Variants in NEB observed in about 807,000 individuals in gnomAD.
NEB encodes the protein nebulin, also known as nemaline myopathy type 2.
Under a neutral mutation model 952.2 loss-of-function variants are expected in NEB, and 512 were observed. That is an observed-to-expected ratio of 0.54 (90% confidence interval 0.50 to 0.58). NEB has a LOEUF of 0.58. Ranked by LOEUF, NEB falls within the 20% of genes least tolerant of loss-of-function variation. The pLI is 0.00. For synonymous variants in NEB, 2,900 were observed against 3,149.8 expected (o/e 0.92, Z 2.66); for missense variants, 8,428 against 9,231.1 (o/e 0.91, Z 3.56).
intron 156 of NEB, among the ~76,000 whole-genome samples, chr2:151,516,802 C>G (rs1341485924): frequency 2.0e-5 from 3 of 152,036 alleles, no homozygotes; most frequent in Non-Finnish European, 2.9e-5. Flanking sequence ...TTCAAGGACA[C>G]AAAAGAATCA....
Position 151,516,444 on chromosome 2 carries a change from G to T in NEB, c.22905+15C>A. The T allele has an allele frequency of 1.3e-6, 2 of 1,567,454 alleles. No homozygotes were observed. The highest frequency in any genetic ancestry group is 1.8e-6 in the Non-Finnish European group (2 of 1,139,186). ...TGATGGATCATTGTTGTGTGGTGTGGTTTTTTTGACTTACCCCACTCTGCA... is the reference window on the plus strand; with the variant it reads ...TGATGGATCATTGTTGTGTGGTGTGTTTTTTTTGACTTACCCCACTCTGCA... On this transcript the variant is annotated intron_variant, in intron 157 of 181. Coordinates refer to ENST00000397345, the MANE Select transcript of NEB (RefSeq NM_001164508.2).
intron 157 of NEB, 72 bp downstream of exon 157, chr2:151,516,387 C>A: frequency 9.8e-7 from 1 of 1,019,658 alleles, no homozygotes; most frequent in Non-Finnish European, 1.5e-6. Context: ...GGAAACTGGC[C>A]ATGTCATGGG....
At position 151,643,216 on chromosome 2, in the gene NEB, C is replaced by T. The variant is rs1021256305; in HGVS notation, c.8094G>A (p.Lys2698=). Residue 2698 remains lysine, a synonymous_variant, in exon 58 of 182, where the codon AAG becomes AAA. Transcript: ENST00000397345. ...HVYRQHPDQF[K]FSSLMDSIPM... The stretch of plus-strand genomic sequence containing the variant: ...GTATGGAATCCATAAGGCTGGAAAA[C>T]TTAAATTGATCTGGGTGCTGACGGT... 1 of 1,613,754 alleles carries T rather than the reference C, an allele frequency of 6.2e-7. No homozygotes were observed. The highest frequency in any genetic ancestry group is 1.3e-5 in the African/African-American group (1 of 74,912).
At chr2:151,656,651 T>C (rs1022133675) in intron 48 of NEB, among the ~76,000 whole-genome samples, 187 bp from the exon 49 acceptor site, 3 of 152,090 alleles carry the variant, frequency 2.0e-5, no homozygotes, top group African/African-American at 4.8e-5. Context: ...CTCTCCCTTG[T>C]GAGGTAGATA....
At chr2:151,576,693 G>A (rs1456140082) in intron 105 of NEB, among the ~76,000 whole-genome samples, 5 of 150,956 alleles carry the variant, frequency 3.3e-5, no homozygotes, top group Admixed American at 1.3e-4. Context: ...CATGATGCCT[G>A]TCTAATTTTT....
chr2:151,721,559 T>C (rs1163246423), intron 9 of NEB, among the ~76,000 whole-genome samples: 1 of 152,250 alleles, frequency 6.6e-6, no homozygotes, highest in Non-Finnish European at 1.5e-5. Flanking sequence ...GTCTGTCTTG[T>C]AGCAAGTATT....
At chr2:151,555,956 A>G (rs2095625717) in intron 124 of NEB, among the ~76,000 whole-genome samples, 1 of 151,844 alleles carries the variant, frequency 6.6e-6, no homozygotes, top group Admixed American at 6.6e-5. Flanking sequence ...TAATTTCTCT[A>G]TGTTTTACCT....
In NEB at chr2:151,678,070, C is replaced by G. The variant is rs757784515; in HGVS notation, c.3373G>C (p.Glu1125Gln). Residue 1125 changes from glutamate (E) to glutamine (Q), a missense_variant, in exon 33 of 182, where the codon GAG becomes CAG. Physicochemically the swap from Glu to Gln is conservative, Grantham distance 29. Around this residue, in one of 11 missense-constraint regions of NEB, gnomAD observed 2,851 missense variants for 2,791.5 expected, o/e 1.02. Coordinates refer to ENST00000397345, the MANE Select transcript of NEB (RefSeq NM_001164508.2). ...MNVAKIQSDREYKKDYEKTKS... is the reference protein window; with the variant it reads ...MNVAKIQSDRQYKKDYEKTKS... ...GTCTTCTCATAGTCTTTTTTATACTCCCGATCTGATTGTATCTTGGCCACG... is the reference window on the plus strand; with the variant it reads ...GTCTTCTCATAGTCTTTTTTATACTGCCGATCTGATTGTATCTTGGCCACG... 3 of 1,613,756 alleles carry G rather than the reference C, an allele frequency of 1.9e-6. No individual in the cohort carries two copies. The highest frequency in any genetic ancestry group is 2.5e-6 in the Non-Finnish European group (3 of 1,179,842).
chr2:151,669,971 T>C (rs987889851), intron 38 of NEB, among the ~76,000 whole-genome samples: 3 of 152,164 alleles, frequency 2.0e-5, no homozygotes, highest in African/African-American at 7.2e-5. Context: ...AGGTACTGCA[T>C]GTGGGAGTTC....
chr2:151,670,435 G>A (rs2099271564), intron 38 of NEB, among the ~76,000 whole-genome samples: 1 of 105,250 alleles, frequency 9.5e-6, no homozygotes, highest in Non-Finnish European at 1.8e-5. Context: ...CCATACAGAC[G>A]TGTCTCAGAA....
rs746180925 is a variant in NEB, at chr2:151,497,664, T to C, written c.24262A>G (p.Met8088Val). 19 of 1,585,562 alleles carry C rather than the reference T, an allele frequency of 1.2e-5. No individual in the cohort carries two copies. Among genetic ancestry groups the C allele is most frequent in the Non-Finnish European group, 1.6e-5 (19 of 1,163,596 alleles). Residue 8088 changes from methionine (M) to valine (V), a missense_variant, in exon 171 of 182, where the codon ATG becomes GTG. Around this residue, in one of 11 missense-constraint regions of NEB, gnomAD observed 3,374 missense variants for 3,651.5 expected, o/e 0.92. Coordinates refer to ENST00000397345, the MANE Select transcript of NEB (RefSeq NM_001164508.2). ...KGTPLPVTPEMERVKHNQENI... is the reference protein window; with the variant it reads ...KGTPLPVTPEVERVKHNQENI... ...TCTTGATTGTGTTTGACTCTTTCCA[T>C]CTCGGGAGTGACAGGTAAAGGGGTT...
intron 161 of NEB, among the ~76,000 whole-genome samples, chr2:151,509,900 G>T (rs566476860): frequency 1.3e-5 from 2 of 152,154 alleles, no homozygotes; most frequent in African/African-American, 2.4e-5. Flanking sequence ...GAGCCACTGC[G>T]CCCGACCAAG....
chr2:151,655,499 A>G (rs1162800321), intron 50 of NEB, 125 bp from the exon 51 acceptor site: 2 of 533,710 alleles, frequency 3.7e-6, no homozygotes, highest in Admixed American at 3.6e-5. Flanking sequence ...ACTAAGTAGC[A>G]TATAATTCAG....
Position 151,694,696 on chromosome 2 carries a change from G to A in NEB, c.1675-67C>T, listed in dbSNP as rs10193188. 0.22 allele frequency: 266,122 copies of A among 1,206,620 alleles called. 39,117 individuals carry two copies. Among genetic ancestry groups the A allele is most frequent in the East Asian group, 0.62 (24,190 of 39,222 alleles). 74.7% of individuals were successfully genotyped at this position (1,206,620 alleles called of 1,614,324 possible). ...TGCATGTCACGACCTTTAAAGACTA[G>A]TGGGTAACTAAATACCTTATCTTAA... On this transcript the variant is annotated intron_variant, in intron 18 of 181. Coordinates refer to ENST00000397345, the MANE Select transcript of NEB (RefSeq NM_001164508.2).
intron 17 of NEB, among the ~76,000 whole-genome samples, 179 bp from the exon 18 acceptor site, chr2:151,695,861 C>T (rs955046954): frequency 6.6e-6 from 1 of 152,204 alleles, no homozygotes; most frequent in Non-Finnish European, 1.5e-5. Flanking sequence ...GCTATTATCA[C>T]ATCTGTCACC....
intron 77 of NEB, 138 bp downstream of exon 77, chr2:151,614,138 A>G (rs1243753137): frequency 1.5e-5 from 15 of 1,016,010 alleles, no homozygotes; most frequent in East Asian, 1.3e-4. Context: ...AACTAAATAC[A>G]TACTTTATTT....
chr2:151,638,517 T>C (rs996061717), intron 63 of NEB, among the ~76,000 whole-genome samples: 1 of 152,226 alleles, frequency 6.6e-6, no homozygotes, highest in Non-Finnish European at 1.5e-5. Context: ...CAGAGGACTA[T>C]GTGAGTTTAC....
Position 151,706,861 on chromosome 2 carries a change from T to C in NEB, c.1152+20A>G, listed in dbSNP as rs1200809371. ...TTTTGCAGCTAAGGTTTAAAAACAC[T>C]TTGACAAAAATATACTTACGTCACT... On this transcript the variant is annotated intron_variant, in intron 13 of 181. Coordinates refer to ENST00000397345, the MANE Select transcript of NEB (RefSeq NM_001164508.2). 1.4e-5 allele frequency: 22 copies of C among 1,549,424 alleles called. No individual in the cohort carries two copies. Among genetic ancestry groups the C allele is most frequent in the Non-Finnish European group, 1.8e-5 (21 of 1,138,700 alleles).
At position 151,553,919 on chromosome 2, in the gene NEB, A is replaced by G. The variant is rs751483486; in HGVS notation, c.19535T>C (p.Ile6512Thr). 2.0e-5 allele frequency: 32 copies of G among 1,613,910 alleles called. No homozygotes were observed. The highest frequency in any genetic ancestry group is 1.3e-5 in the African/African-American group (1 of 75,048). The change falls in exon 126 of 182, where the codon ATT (isoleucine) becomes ACT (threonine). Residue 6512 changes from isoleucine (I) to threonine (T), a missense_variant. By Grantham distance (89) the Ile-to-Thr change is moderately conservative. This residue lies in a region of NEB where 3,374 missense variants were observed against 3,651.5 expected (regional missense o/e 0.92). Coordinates refer to ENST00000397345, the MANE Select transcript of NEB (RefSeq NM_001164508.2). The part of the protein sequence containing the change: ...AKDSQKKVSE[I>T]DYRLRLHEWI... ...TTCGTGGAGGCGCAGGCGGTAATCA[A>G]TCTCACTGACTTTCTTCTGGGAATC...
Sources: allele counts gnomAD v4.1 joint callset (sites outside exome capture counted in the v4.1 genomes callset), GRCh38; gene constraint gnomAD v4.1.1; regional missense constraint gnomAD v4.1.1; transcripts MANE v1.5; gene names NCBI Gene and HGNC (gene_info 2026-07-23, HGNC 2026-07-21).